The following MMD2 variants were observed in gnomAD, a reference collection of about 807,000 sequenced individuals.
MMD2 encodes monocyte to macrophage differentiation associated 2, also known as monocyte to macrophage differentiation factor 2.
A neutral mutation model predicts 33.5 loss-of-function variants in MMD2; 30 were observed. The ratio of observed to expected loss-of-function variants is 0.90; its 90% CI spans 0.67 to 1.22. The LOEUF (loss-of-function observed/expected upper bound fraction) is 1.22, where lower values mean the gene tolerates loss of function less well. MMD2 is among the 50% of genes most tolerant of loss of function. MMD2 has a pLI of 0.00. For synonymous variants in MMD2, 129 were observed against 123.0 expected (o/e 1.05, Z -0.32); for missense variants, 364 against 325.4 (o/e 1.12, Z -0.91).
intron 2 of MMD2, 129 bp downstream of exon 2, chr7:4,925,320 CCT>C: frequency 1.7e-6 from 1 of 605,658 alleles, no homozygotes; most frequent in Non-Finnish European, 2.7e-6. Context: ...GCCACAGTGG[CCT>C]TCCCTGAGGG....
intron 1 of MMD2, among the ~76,000 whole-genome samples, chr7:4,951,750 C>T (rs945462406): frequency 3.3e-5 from 5 of 152,168 alleles, no homozygotes; most frequent in African/African-American, 1.2e-4. Context: ...CAGGCATGAG[C>T]CACTACAACT....
chr7:4,949,239 A>G (rs1304267679), intron 1 of MMD2, among the ~76,000 whole-genome samples: 3 of 151,920 alleles, frequency 2.0e-5, no homozygotes, highest in Non-Finnish European at 4.4e-5. Context: ...ATTATTAACT[A>G]TTGTCACCCT....
chr7:4,944,783 T>TTC (rs1169042696), intron 1 of MMD2, among the ~76,000 whole-genome samples: 1 of 144,426 alleles, frequency 6.9e-6, no homozygotes, highest in African/African-American at 2.6e-5. Flanking sequence ...TTTTTTTTTT[T>TTC]TTGAGACAGA....
chr7:4,911,797 C>T (rs961654445), intron 4 of MMD2, among the ~76,000 whole-genome samples: 7 of 151,800 alleles, frequency 4.6e-5, no homozygotes, highest in South Asian at 2.1e-4. Context: ...TACAGGCATG[C>T]GCCACCATGC....
At chr7:4,930,908 T>G (rs545853846) in intron 1 of MMD2, among the ~76,000 whole-genome samples, 4 of 152,248 alleles carry the variant, frequency 2.6e-5, no homozygotes, top group Admixed American at 6.5e-5. Context: ...TGGAGTGCAG[T>G]GGCGCGATCT....
At chr7:4,937,983 TTTC>T (rs1785790435) in intron 1 of MMD2, among the ~76,000 whole-genome samples, 1 of 145,006 alleles carries the variant, frequency 6.9e-6, no homozygotes, top group Admixed American at 7.2e-5. Flanking sequence ...TTCTTTTTTT[TTTC>T]TTTTTTTCTT....
chr7:4,935,963 T>A (rs1785729482), intron 1 of MMD2, among the ~76,000 whole-genome samples: 1 of 151,952 alleles, frequency 6.6e-6, no homozygotes, highest in South Asian at 2.1e-4. Flanking sequence ...GGCAAGCAGA[T>A]CACCTGAGGT....
chr7:4,943,277 G>A (rs1352671244), intron 1 of MMD2, among the ~76,000 whole-genome samples: 1 of 151,594 alleles, frequency 6.6e-6, no homozygotes, highest in African/African-American at 2.4e-5. Context: ...CCAAAGTACT[G>A]GGATTACAGG....
intron 3 of MMD2, 88 bp from the exon 4 acceptor site, chr7:4,916,167 C>T (rs972808186): frequency 2.3e-6 from 3 of 1,289,046 alleles, no homozygotes; most frequent in South Asian, 1.2e-5. Flanking sequence ...ACTGATCGTG[C>T]CTGCCTACAG....
chr7:4,939,438 G>A (rs780239099), intron 1 of MMD2, among the ~76,000 whole-genome samples: 16 of 151,950 alleles, frequency 1.1e-4, no homozygotes, highest in Non-Finnish European at 1.9e-4. Flanking sequence ...AGCTGCCCAG[G>A]AGGCTGAGGT....
intron 1 of MMD2, among the ~76,000 whole-genome samples, chr7:4,931,082 C>G (rs1424105771): frequency 6.6e-6 from 1 of 152,186 alleles, no homozygotes; most frequent in Non-Finnish European, 1.5e-5. Context: ...AACTCCTGAC[C>G]TCAGGTGATC....
intron 1 of MMD2, among the ~76,000 whole-genome samples, chr7:4,955,728 T>G (rs530748750): frequency 2.0e-5 from 3 of 152,178 alleles, no homozygotes; most frequent in Non-Finnish European, 4.4e-5. Flanking sequence ...GATGGAATAT[T>G]AGGCACACAT....
intron 5 of MMD2, 106 bp from the exon 6 acceptor site, chr7:4,910,056 T>A (rs371420017): frequency 1.5e-5 from 24 of 1,610,348 alleles, no homozygotes; most frequent in Admixed American, 6.7e-5. Flanking sequence ...GCCAGAACAG[T>A]GAGAAGAAAG....
the MMD2 span, among the ~76,000 whole-genome samples, chr7:4,895,354 G>A: frequency 6.6e-6 from 1 of 152,096 alleles, no homozygotes; most frequent in Non-Finnish European, 1.5e-5. Context: ...GGGATTACAG[G>A]CCCGAGCCAC....
chr7:4,951,538 T>A (rs1786243792), intron 1 of MMD2, among the ~76,000 whole-genome samples: 1 of 152,134 alleles, frequency 6.6e-6, no homozygotes, highest in Non-Finnish European at 1.5e-5. Context: ...CTCCGAGGCT[T>A]GTCCTGTCCT....
At chr7:4,927,094 A>T (rs527885506) in intron 1 of MMD2, among the ~76,000 whole-genome samples, 1 of 152,066 alleles carries the variant, frequency 6.6e-6, no homozygotes, top group Non-Finnish European at 1.5e-5. Flanking sequence ...TGAACAGACC[A>T]CAAGTGAATT....
chr7:4,911,954 C>T (rs1785025601), intron 4 of MMD2, among the ~76,000 whole-genome samples: 1 of 151,840 alleles, frequency 6.6e-6, no homozygotes, highest in Non-Finnish European at 1.5e-5. Flanking sequence ...GCCTCCAATC[C>T]TTTGTTAATA....
In MMD2 at chr7:4,907,146, T is replaced by G; in HGVS notation, c.*250A>C. The stretch of plus-strand genomic sequence containing the variant: ...TTTCTGAAGATGTTAATGTTGCTTG[T>G]ATTAGGAAACACTCATCTAAAATAG... On this transcript the variant is annotated 3_prime_UTR_variant, in exon 7 of 7. Transcript: ENST00000401401. 2.0e-6 allele frequency: 1 copy of G among 494,818 alleles called. No homozygotes were observed. Among genetic ancestry groups the G allele is most frequent in the Admixed American group, 3.4e-5 (1 of 29,608 alleles). 30.7% of individuals were successfully genotyped at this position (494,818 alleles called of 1,614,324 possible).
intron 6 of MMD2, 177 bp downstream of exon 6, chr7:4,909,704 G>A (rs918294922): frequency 2.3e-4 from 192 of 844,474 alleles, no homozygotes; most frequent in Non-Finnish European, 3.3e-4. Context: ...CCAAAGGACT[G>A]GATTATAGGC....
Sources: allele counts gnomAD v4.1 joint callset (sites outside exome capture counted in the v4.1 genomes callset), GRCh38; gene constraint gnomAD v4.1.1; transcripts MANE v1.5; gene names NCBI Gene and HGNC (gene_info 2026-07-23, HGNC 2026-07-21).